The following ERFL variants were observed in gnomAD, a reference collection of about 807,000 sequenced individuals.
ERFL encodes ETS domain-containing transcription factor ERF-like.
In ERFL, 8 loss-of-function variants were observed where a neutral mutation model predicts 27.9. That is an observed-to-expected ratio of 0.29 (90% CI 0.17 to 0.52). The LOEUF is 0.52. Ranked by LOEUF, ERFL falls within the 20% of genes least tolerant of loss-of-function variation. The pLI is 0.97. For synonymous variants in ERFL, 174 were observed against 202.8 expected (o/e 0.86, Z 1.21); for missense variants, 294 against 444.4 (o/e 0.66, Z 3.04).
chr19:41,923,887 T>G (rs1313345722), intron 1 of ERFL, among the ~76,000 whole-genome samples: 2 of 22,736 alleles, frequency 8.8e-5, no homozygotes, highest in Non-Finnish European at 1.6e-4. Context: ...TGGGGGGTGG[T>G]AGGGGTGCGC....
At chr19:41,920,551 G>A (rs983213275) in intron 1 of ERFL, among the ~76,000 whole-genome samples, 7 of 149,630 alleles carry the variant, frequency 4.7e-5, no homozygotes, top group South Asian at 2.1e-4. Context: ...GACAGGACAC[G>A]CCCAGATGTT....
chr19:41,923,251 C>A (rs996153610), intron 1 of ERFL: 3 of 449,020 alleles, frequency 6.7e-6, no homozygotes, highest in African/African-American at 6.0e-5. Context: ...TGACTCTAGG[C>A]CCCCGATATT....
At position 41,916,996 on chromosome 19, in the gene ERFL, A is replaced by G. The variant is rs567084042; in HGVS notation, c.-13-4064T>C. Among the ~76,000 whole-genome samples, 1 of 145,444 alleles carries G rather than the reference A, an allele frequency of 6.9e-6. No homozygotes were observed. Among genetic ancestry groups the G allele is most frequent in the South Asian group, 2.1e-4 (1 of 4,698 alleles). ...CCCTCCATCTGTGAACTTCCCAAGC[A>G]TGTCTCTGCATGGGTGTGTGTGTGT... On this transcript the variant is annotated intron_variant, in intron 1 of 5. Coordinates refer to ENST00000597630, the MANE Select transcript of ERFL (RefSeq NM_001365103.2). This position sits in a 1 kb window ranked among gnomAD's most constrained non-coding sequence, Gnocchi z 5.4.
intron 2 of ERFL, among the ~76,000 whole-genome samples, chr19:41,911,776 A>C (rs2074753213): frequency 6.6e-6 from 1 of 152,120 alleles, no homozygotes; most frequent in African/African-American, 2.4e-5. Context: ...ACCCAACCCG[A>C]TACTCCATCT....
Position 41,907,885 on chromosome 19 carries a change from G to A in ERFL, c.*343C>T. ...GGTGTCAGGACTGGGGCCAGCACAG[G>A]GGGTTTGGAGACACGGCCACACAAA... is the stretch of plus-strand genomic sequence containing the variant. On this transcript the variant is annotated 3_prime_UTR_variant, in exon 6 of 6. Coordinates refer to ENST00000597630, the MANE Select transcript of ERFL (RefSeq NM_001365103.2). 4.5e-6 allele frequency: 1 copy of A among 222,546 alleles called. No homozygotes were observed. The highest frequency in any genetic ancestry group is 2.0e-4 in the South Asian group (1 of 4,906). 13.8% of individuals were successfully genotyped at this position (222,546 alleles called of 1,614,324 possible). A position where few individuals can be genotyped will look rare whatever the true frequency, so the allele number is the denominator to read the frequency against.
At chr19:41,920,850 G>A (rs1420385022) in intron 1 of ERFL, among the ~76,000 whole-genome samples, 2 of 152,224 alleles carry the variant, frequency 1.3e-5, no homozygotes, top group Non-Finnish European at 2.9e-5. Flanking sequence ...GGAGGCTCCA[G>A]GCCAGAGACA....
intron 1 of ERFL, among the ~76,000 whole-genome samples, chr19:41,915,659 CTGTCTCTG>C (rs2074796375): frequency 1.3e-5 from 2 of 152,248 alleles, no homozygotes; most frequent in Admixed American, 6.5e-5. Flanking sequence ...CCCCATCTCC[CTGTCTCTG>C]TGTCTCTGTC....
Position 41,910,943 on chromosome 19 carries a change from C to T in ERFL, c.68-846G>A, listed in dbSNP as rs1433128406. ...ACACCCATCACAACACAGAATTACACATCTCAAGACTGGGACTTACTAACA... is the reference window on the plus strand; with the variant it reads ...ACACCCATCACAACACAGAATTACATATCTCAAGACTGGGACTTACTAACA... On this transcript the variant is annotated intron_variant, in intron 2 of 5. Coordinates refer to ENST00000597630, the MANE Select transcript of ERFL (RefSeq NM_001365103.2). This position sits in a 1 kb window ranked among gnomAD's most constrained non-coding sequence, Gnocchi z 4.4. 6.6e-6 allele frequency among the ~76,000 whole-genome samples: 1 copy of T among 152,182 alleles called. No individual in the cohort carries two copies. Among genetic ancestry groups the T allele is most frequent in the Admixed American group, 6.5e-5 (1 of 15,274 alleles).
At chr19:41,911,271 AC>A (rs2074749842) in intron 2 of ERFL, among the ~76,000 whole-genome samples, 1 of 152,096 alleles carries the variant, frequency 6.6e-6, no homozygotes, top group African/African-American at 2.4e-5. Flanking sequence ...CCTGGGTCCA[AC>A]TTCTGTGTTC....
rs2074741310 is a variant in ERFL, at chr19:41,909,615, A to G, written c.303-144T>C. The G allele has an allele frequency of 3.6e-6, 3 of 830,920 alleles. No homozygotes were observed. The highest frequency in any genetic ancestry group is 3.6e-6 in the Non-Finnish European group (2 of 559,330). The allele number at this position is 830,920 out of a possible 1,614,324, so 51.5% of individuals were successfully genotyped here. A position where few individuals can be genotyped will look rare whatever the true frequency, so the allele number is the denominator to read the frequency against. On this transcript the variant is annotated intron_variant, in intron 3 of 5. Coordinates refer to ENST00000597630, the MANE Select transcript of ERFL (RefSeq NM_001365103.2). This position sits in a 1 kb window ranked among gnomAD's most constrained non-coding sequence, Gnocchi z 5.2. ...CTGAGGCTCACAGAAGTCCCTTAAT[A>G]GGGATCACAGGGCAAGGAAGGGATG...
At position 41,917,635 on chromosome 19, in the gene ERFL, C is replaced by G. The variant is rs2074809910; in HGVS notation, c.-13-4703G>C. On this transcript the variant is annotated intron_variant, in intron 1 of 5. Transcript: ENST00000597630. This position sits in a 1 kb window ranked among gnomAD's most constrained non-coding sequence, Gnocchi z 4.8. ...GCCGCCCCCGCATGCACACACCATGCCCCAAAGCACACGCACGCACGCACA... is the reference window on the plus strand; with the variant it reads ...GCCGCCCCCGCATGCACACACCATGGCCCAAAGCACACGCACGCACGCACA... Among the ~76,000 whole-genome samples the G allele has an allele frequency of 6.6e-6, 1 of 151,824 alleles. No homozygotes were observed. The highest frequency in any genetic ancestry group is 1.5e-5 in the Non-Finnish European group (1 of 67,886).
rs1486147794 is a variant in ERFL, at chr19:41,928,432, G to C, written c.-406C>G. Reference sequence around the variant, plus strand: ...GCGCCGGGGACAGCCTGGCCGGCTGGGGGCGCGGGGCGGCCCTGCCTCCTG... The same window carrying C: ...GCGCCGGGGACAGCCTGGCCGGCTGCGGGCGCGGGGCGGCCCTGCCTCCTG... On this transcript the variant is annotated 5_prime_UTR_variant, in exon 1 of 6. Coordinates refer to ENST00000597630, the MANE Select transcript of ERFL (RefSeq NM_001365103.2). The C allele has an allele frequency of 6.5e-6, 1 of 153,838 alleles. No individual in the cohort carries two copies. Among genetic ancestry groups the C allele is most frequent in the African/African-American group, 2.4e-5 (1 of 41,408 alleles). The allele number at this position is 153,838 out of a possible 1,614,324, so 9.5% of individuals were successfully genotyped here. A position where few individuals can be genotyped will look rare whatever the true frequency, so the allele number is the denominator to read the frequency against.
rs576190759 is a variant in ERFL at position 41,917,868 on chromosome 19, G to A, written c.-13-4936C>T. The stretch of plus-strand genomic sequence containing the variant: ...CACCCATCTGTTGCCACACAAACGA[G>A]CCCCCAACACCCTGTCCCATCTGGG... On this transcript the variant is annotated intron_variant, in intron 1 of 5. Coordinates refer to ENST00000597630, the MANE Select transcript of ERFL (RefSeq NM_001365103.2). The surrounding 1 kb of genome is among the most constrained non-coding windows in gnomAD (Gnocchi z 4.8). Among the ~76,000 whole-genome samples, 3 of 151,960 alleles carry A rather than the reference G, an allele frequency of 2.0e-5. No individual in the cohort carries two copies. The highest frequency in any genetic ancestry group is 2.1e-4 in the South Asian group (1 of 4,808).
At position 41,916,460 on chromosome 19, in the gene ERFL, GAC is replaced by G. The variant is rs1253899700; in HGVS notation, c.-13-3530_-13-3529del. On this transcript the variant is annotated intron_variant, in intron 1 of 5. Transcript: ENST00000597630. This position sits in a 1 kb window ranked among gnomAD's most constrained non-coding sequence, Gnocchi z 5.4. ...GCATAGTCACAGATGCACAGAAACA[GAC>G]ACACAGTTTTACACAAATACACACA... 7.9e-5 allele frequency among the ~76,000 whole-genome samples: 12 copies of G among 151,802 alleles called. 1 individual carries two copies. The highest frequency in any genetic ancestry group is 3.9e-4 in the Admixed American group (6 of 15,246).
At chr19:41,911,908 CAT>C (rs782278376) in intron 2 of ERFL, among the ~76,000 whole-genome samples, 6 of 151,980 alleles carry the variant, frequency 3.9e-5, no homozygotes, top group African/African-American at 9.7e-5. Context: ...AGAATTCACT[CAT>C]GTGCACATGG....
intron 1 of ERFL, among the ~76,000 whole-genome samples, chr19:41,914,571 C>CTCCCTATGACTTTCTCCCCATCTCTGCTA: frequency 3.5e-5 from 1 of 28,248 alleles, no homozygotes; most frequent in Non-Finnish European, 7.8e-5. Context: ...CCATCTCTGT[C>CTCCCTATGACTTTCTCCCCATCTCTGCTA]TCCGTCTCTC....
At position 41,912,561 on chromosome 19, in the gene ERFL, G is replaced by A. The variant is rs999615188; in HGVS notation, c.67+292C>T. 6.6e-5 allele frequency among the ~76,000 whole-genome samples: 10 copies of A among 152,320 alleles called. No homozygotes were observed. In the South Asian group the frequency reaches 8.3e-4, roughly 13 times the overall value. On this transcript the variant is annotated intron_variant, in intron 2 of 5. Transcript: ENST00000597630. The stretch of plus-strand genomic sequence containing the variant: ...TGCGTGGGAGCAGGCTGAGACGTGC[G>A]TGGCAGGGATGCCCGGGCCTCGGGC...
intron 2 of ERFL, among the ~76,000 whole-genome samples, chr19:41,912,442 C>G: frequency 6.6e-6 from 1 of 152,204 alleles, no homozygotes; most frequent in African/African-American, 2.4e-5. Flanking sequence ...TGCACGTACC[C>G]CTGACTGGGC....
Position 41,908,024 on chromosome 19 carries a change from G to T in ERFL, c.*204C>A. On this transcript the variant is annotated 3_prime_UTR_variant, in exon 6 of 6. Transcript: ENST00000597630. The surrounding 1 kb of genome is among the most constrained non-coding windows in gnomAD (Gnocchi z 6.7). ...CAAACTGGAGCCTGGGGAGGAGGCC[G>T]GAGGCCATCACATTCCCTCTGTCCT... 1 of 426,552 alleles carries T rather than the reference G, an allele frequency of 2.3e-6. No individual in the cohort carries two copies. Among genetic ancestry groups the T allele is most frequent in the Non-Finnish European group, 4.0e-6 (1 of 252,836 alleles). 26.4% of individuals were successfully genotyped at this position (426,552 alleles called of 1,614,324 possible).
Sources: allele counts gnomAD v4.1 joint callset (sites outside exome capture counted in the v4.1 genomes callset), GRCh38; gene constraint gnomAD v4.1.1; non-coding constraint Gnocchi (gnomAD v3.1); transcripts MANE v1.5; gene names NCBI Gene and HGNC (gene_info 2026-07-23, HGNC 2026-07-21).